Variants in ATXN2 observed in about 807,000 individuals in gnomAD.
ATXN2 encodes the protein ataxin-2.
ATXN2 carries 37 observed loss-of-function variants against 138.6 expected under a neutral mutation model. The observed-to-expected ratio is 0.27, with a 90% confidence interval of 0.21 to 0.35. ATXN2 has a LOEUF of 0.35. Ranked by LOEUF, ATXN2 falls within the 10% of genes least tolerant of loss-of-function variation. The pLI is 1.00. For synonymous variants in ATXN2, 549 were observed against 543.7 expected (o/e 1.01, Z -0.13); for missense variants, 1,216 against 1,480.3 (o/e 0.82, Z 2.93).
intron 1 of ATXN2, among the ~76,000 whole-genome samples, chr12:111,571,970 C>T (rs1883340102): frequency 6.7e-6 from 1 of 149,948 alleles, no homozygotes; most frequent in Non-Finnish European, 1.5e-5. Context: ...CAAGATTGCA[C>T]CACTGCACTC....
intron 14 of ATXN2, among the ~76,000 whole-genome samples, chr12:111,504,224 C>T (rs2135720734): frequency 6.6e-6 from 1 of 152,272 alleles, no homozygotes; most frequent in East Asian, 1.9e-4. Flanking sequence ...ATTCAGAGTC[C>T]AGTAATAAAC....
At chr12:111,520,487 C>T (rs987490274) in intron 7 of ATXN2, among the ~76,000 whole-genome samples, 6 of 152,112 alleles carry the variant, frequency 3.9e-5, no homozygotes, top group African/African-American at 1.4e-4. Context: ...CCCGTCTCTA[C>T]TAAAAATACA....
At chr12:111,483,939 C>T (rs760653482) in intron 18 of ATXN2, among the ~76,000 whole-genome samples, 4 of 151,970 alleles carry the variant, frequency 2.6e-5, no homozygotes, top group African/African-American at 4.8e-5. Context: ...CACACCATGA[C>T]GGCTGGCTAA....
intron 5 of ATXN2, among the ~76,000 whole-genome samples, chr12:111,533,758 C>G (rs1880984111): frequency 6.6e-6 from 1 of 152,108 alleles, no homozygotes; most frequent in Non-Finnish European, 1.5e-5. Context: ...AACTCCTGAC[C>G]TCAGGTGATC....
At chr12:111,561,336 T>C (rs1027300827) in intron 1 of ATXN2, among the ~76,000 whole-genome samples, 1 of 141,612 alleles carries the variant, frequency 7.1e-6, no homozygotes, top group South Asian at 2.3e-4. Context: ...CTACTAGATA[T>C]ACAAAAAATT....
chr12:111,470,134 G>A lies in ATXN2; in HGVS notation c.2816C>T (p.Ala939Val). 6.2e-7 allele frequency: 1 copy of A among 1,614,132 alleles called. No homozygotes were observed. The highest frequency in any genetic ancestry group is 1.1e-5 in the South Asian group (1 of 91,078). ...ATACATCGCATGCGTCTGCTCATGA[G>A]CCCCGTACTGAGTTGCTGAAGAAGA... ...LVSSSATQYG[A>V]HEQTHAMYAC... Residue 939 changes from alanine (A) to valine (V), a missense_variant, in exon 20 of 25, where the codon GCT (alanine) becomes GTT (valine). Physicochemically the swap from Ala to Val is moderately conservative, Grantham distance 64. Around this residue, in one of 4 missense-constraint regions of ATXN2, gnomAD observed 490 missense variants for 653.5 expected, o/e 0.75. Coordinates refer to ENST00000673436, the MANE Select transcript of ATXN2 (RefSeq NM_001372574.1).
chr12:111,504,602 C>G (rs1413860075), intron 14 of ATXN2, among the ~76,000 whole-genome samples: 1 of 152,066 alleles, frequency 6.6e-6, no homozygotes, highest in African/African-American at 2.4e-5. Flanking sequence ...CAAGAATAGT[C>G]TTTTTAACAG....
At chr12:111,507,524 A>G (rs1483705375) in intron 14 of ATXN2, among the ~76,000 whole-genome samples, 6 of 142,268 alleles carry the variant, frequency 4.2e-5, no homozygotes, top group Admixed American at 2.1e-4. Flanking sequence ...CAGCCGCCCC[A>G]TCCGGGAGGG....
At chr12:111,496,253 C>T (rs1391801685) in intron 14 of ATXN2, among the ~76,000 whole-genome samples, 1 of 151,412 alleles carries the variant, frequency 6.6e-6, no homozygotes, top group Admixed American at 6.6e-5. Context: ...CACTAGAGGC[C>T]GGGCACGGTG....
intron 23 of ATXN2, 197 bp from the exon 24 acceptor site, chr12:111,454,042 G>A: frequency 1.8e-6 from 1 of 556,134 alleles, no homozygotes; most frequent in Non-Finnish European, 3.1e-6. Context: ...GGCAGATCCT[G>A]CAAGGGTCAG....
intron 18 of ATXN2, 25 bp from the exon 19 acceptor site, chr12:111,470,767 T>C: frequency 6.2e-7 from 1 of 1,610,350 alleles, no homozygotes; most frequent in East Asian, 2.2e-5. Flanking sequence ...GCAGACTGCC[T>C]ATTAAACAGT....
chr12:111,488,664 G>C lies in ATXN2; in HGVS notation c.2052C>G (p.Phe684Leu), dbSNP rs765827224. 3 of 1,614,042 alleles carry C rather than the reference G, an allele frequency of 1.9e-6. No homozygotes were observed. The highest frequency in any genetic ancestry group is 2.5e-6 in the Non-Finnish European group (3 of 1,179,956). Residue 684 changes from phenylalanine (F) to leucine (L), a missense_variant, in exon 15 of 25, where the codon TTC (phenylalanine) becomes TTG (leucine). This residue lies in a region of ATXN2 where 490 missense variants were observed against 653.5 expected (regional missense o/e 0.75). Transcript: ENST00000673436. ...TACAGTTGCTGCTGCTATTTTCAAT[G>C]AAAGAATCCTTAGCACTTGGTTCAA... The part of the protein sequence containing the change: ...DKIEPSAKDS[F>L]IENSSSNCTS...
At chr12:111,597,798 C>T (rs1280046389) in intron 1 of ATXN2, 1 of 1,191,600 alleles carries the variant, frequency 8.4e-7, no homozygotes, top group Non-Finnish European at 1.1e-6. Flanking sequence ...ATCTCTCTCT[C>T]CTAGCATTTC....
Position 111,581,322 on chromosome 12 carries a change from G to A in ATXN2, c.251+17462C>T. The A allele has an allele frequency of 5.7e-6, 3 of 525,144 alleles. No individual in the cohort carries two copies. The South Asian group carries it at 6.4e-5, about 11-fold the overall frequency. The allele number at this position is 525,144 out of a possible 1,614,324, so 32.5% of individuals were successfully genotyped here. A position where few individuals can be genotyped will look rare whatever the true frequency, so the allele number is the denominator to read the frequency against. ...AAATCCAAACTACCAGGGAAAGGGA[G>A]GGGCCCACTGAGAACCACCCCAGCA... On this transcript the variant is annotated intron_variant, in intron 1 of 24. Transcript: ENST00000673436.
At chr12:111,533,478 A>G (rs894514284) in intron 5 of ATXN2, among the ~76,000 whole-genome samples, 1 of 152,068 alleles carries the variant, frequency 6.6e-6, no homozygotes, top group African/African-American at 2.4e-5. Flanking sequence ...AAGTCTGTAC[A>G]TGTTCAGTAT....
In ATXN2 at chr12:111,517,472, TA is replaced by T. The variant is rs1879918047; in HGVS notation, c.1165+776del. Among the ~76,000 whole-genome samples the T allele has an allele frequency of 2.0e-5, 3 of 152,146 alleles. No individual in the cohort carries two copies. The South Asian group carries it at 6.2e-4, about 31-fold the overall frequency. ...ATCTAACTTTCCAAATTTAAATAGC[TA>T]AAATTGAATGTCCACTCTTTTCCCA... On this transcript the variant is annotated intron_variant, in intron 9 of 24. Coordinates refer to ENST00000673436, the MANE Select transcript of ATXN2 (RefSeq NM_001372574.1).
chr12:111,486,740 C>T, intron 16 of ATXN2, 21 bp downstream of exon 16: 1 of 1,591,628 alleles, frequency 6.3e-7, no homozygotes, highest in Non-Finnish European at 8.6e-7. Context: ...TAGATAACCT[C>T]AAAGAAAGTA....
At chr12:111,540,921 T>A (rs1207430616) in intron 5 of ATXN2, among the ~76,000 whole-genome samples, 1 of 150,170 alleles carries the variant, frequency 6.7e-6, no homozygotes, top group Non-Finnish European at 1.5e-5. Flanking sequence ...GGTCTCAAAC[T>A]CCTGACCTCA....
At chr12:111,597,289 G>A (rs1437179865) in intron 1 of ATXN2, among the ~76,000 whole-genome samples, 1 of 152,194 alleles carries the variant, frequency 6.6e-6, no homozygotes, top group Admixed American at 6.5e-5. Context: ...TTGGAAATGG[G>A]TTGCTGAAAA....
Sources: allele counts gnomAD v4.1 joint callset (sites outside exome capture counted in the v4.1 genomes callset), GRCh38; gene constraint gnomAD v4.1.1; regional missense constraint gnomAD v4.1.1; transcripts MANE v1.5; gene names NCBI Gene and HGNC (gene_info 2026-07-23, HGNC 2026-07-21).